Variants in ALDH8A1 observed in about 807,000 individuals in gnomAD.
ALDH8A1 encodes aldehyde dehydrogenase 8 family member A1.
A neutral mutation model predicts 43.3 loss-of-function variants in ALDH8A1; 39 were observed. The observed-to-expected ratio is 0.90, with a 90% CI of 0.70 to 1.18. The LOEUF is 1.18. ALDH8A1 is among the 50% of genes most tolerant of loss of function. The pLI is 0.00. For missense variants in ALDH8A1, 605 were observed against 622.6 expected, an observed-to-expected ratio of 0.97 and a Z score of 0.30; for synonymous variants, 233 against 243.5, an observed-to-expected ratio of 0.96 and a Z score of 0.40.
intron 1 of ALDH8A1, among the ~76,000 whole-genome samples, chr6:134,947,535 T>C (rs1334613168): frequency 6.6e-6 from 1 of 151,930 alleles, no homozygotes; most frequent in Non-Finnish European, 1.5e-5. Flanking sequence ...TATATACATA[T>C]ACAACTCAAT....
intron 6 of ALDH8A1, among the ~76,000 whole-genome samples, chr6:134,919,964 A>G (rs956162503): frequency 5.3e-5 from 8 of 152,248 alleles, no homozygotes; most frequent in Non-Finnish European, 1.0e-4. Flanking sequence ...GCTGCAATGC[A>G]GTGGCACCAC....
Position 134,939,367 on chromosome 6 carries a change from T to G in ALDH8A1, c.491A>C (p.Lys164Thr), listed in dbSNP as rs746264434. The G allele has an allele frequency of 1.2e-6, 2 of 1,614,164 alleles. No individual in the cohort carries two copies. The highest frequency in any genetic ancestry group is 1.7e-6 in the Non-Finnish European group (2 of 1,180,042). Residue 164 changes from lysine to threonine, a missense_variant, in exon 4 of 7, where the codon AAG (lysine) becomes ACG (threonine). Physicochemically the swap from Lys to Thr is moderately conservative, Grantham distance 78 (BLOSUM62 -1). Transcript: ENST00000265605. ...CCCTGCAGCCATCGCTGGAGCTATC[T>G]TCCAGGTCAGCAAGTAGAGTGGCAA... Reference protein sequence around the residue: ...WNLPLYLLTWKIAPAMAAGNT... With the variant: ...WNLPLYLLTWTIAPAMAAGNT...
chr6:134,918,145 A>G lies in ALDH8A1; in HGVS notation c.*270T>C, dbSNP rs1776735854. On this transcript the variant is annotated 3_prime_UTR_variant, in exon 7 of 7. Coordinates refer to ENST00000265605, the MANE Select transcript of ALDH8A1 (RefSeq NM_022568.4). ...GTTCAATGAAGATGATGAAAGAAAC[A>G]CTATGAAAACATAACCTGGGAGGAG... 1 of 451,158 alleles carries G rather than the reference A, an allele frequency of 2.2e-6. No individual in the cohort carries two copies. The highest frequency in any genetic ancestry group is 2.0e-5 in the African/African-American group (1 of 51,042). 27.9% of individuals were successfully genotyped at this position (451,158 alleles called of 1,614,324 possible).
At chr6:134,941,167 C>G (rs116611070) in intron 3 of ALDH8A1, among the ~76,000 whole-genome samples, 1,751 of 152,166 alleles carry the variant, frequency 0.012, 38 homozygotes, top group African/African-American at 0.039. Flanking sequence ...TACTACATGC[C>G]CTACACTTAT....
At chr6:134,939,120 G>A (rs908642558) in intron 4 of ALDH8A1, 146 bp downstream of exon 4, 1 of 1,266,460 alleles carries the variant, frequency 7.9e-7, no homozygotes, top group East Asian at 2.4e-5. Context: ...GGAACCCTGT[G>A]GGTGGAGGGG....
intron 1 of ALDH8A1, among the ~76,000 whole-genome samples, chr6:134,948,462 T>G (rs1400319209): frequency 2.0e-5 from 3 of 152,222 alleles, no homozygotes; most frequent in Non-Finnish European, 4.4e-5. Context: ...ACACATTGTA[T>G]GCATGTATCA....
intron 4 of ALDH8A1, among the ~76,000 whole-genome samples, chr6:134,935,584 A>G (rs1394752117): frequency 6.6e-6 from 1 of 152,162 alleles, no homozygotes; most frequent in Admixed American, 6.5e-5. Flanking sequence ...GAGGTAGCAG[A>G]GTTTATTCCC....
chr6:134,926,202 CTTTTTTTT>C (rs749949919), intron 6 of ALDH8A1, among the ~76,000 whole-genome samples: 1 of 93,736 alleles, frequency 1.1e-5, no homozygotes, highest in African/African-American at 4.2e-5. Flanking sequence ...CAGGACCCTT[CTTTTTTTT>C]TTTTTTTTTT....
At chr6:134,920,852 A>T (rs375487381) in intron 6 of ALDH8A1, among the ~76,000 whole-genome samples, 6 of 152,282 alleles carry the variant, frequency 3.9e-5, no homozygotes, top group East Asian at 3.9e-4. Flanking sequence ...CTTTAGACAT[A>T]AAGTCAGAGT....
intron 4 of ALDH8A1, 101 bp from the exon 5 acceptor site, chr6:134,933,133 G>T: frequency 7.5e-7 from 1 of 1,329,460 alleles, no homozygotes; most frequent in Non-Finnish European, 9.9e-7. Flanking sequence ...GAATGGGAGT[G>T]GGTAGGGATG....
intron 5 of ALDH8A1, among the ~76,000 whole-genome samples, chr6:134,931,163 C>T (rs976167039): frequency 5.3e-5 from 8 of 152,138 alleles, no homozygotes; most frequent in Admixed American, 4.6e-4. Flanking sequence ...TTAAAACAAC[C>T]CCAAAAGGAA....
At chr6:134,936,936 C>A (rs997515279) in intron 4 of ALDH8A1, among the ~76,000 whole-genome samples, 1 of 152,052 alleles carries the variant, frequency 6.6e-6, no homozygotes, top group Non-Finnish European at 1.5e-5. Context: ...TAGGAACAGA[C>A]GAGAACAGAC....
In ALDH8A1 at chr6:134,918,678, G is replaced by T. The variant is rs61731731; in HGVS notation, c.1201C>A (p.Pro401Thr). The change falls in exon 7 of 7, where the codon CCC becomes ACC. Residue 401 changes from proline to threonine, a missense_variant. Pro to Thr is a conservative substitution (Grantham distance 38). Coordinates refer to ENST00000265605, the MANE Select transcript of ALDH8A1 (RefSeq NM_022568.4). Reference protein sequence around the residue: ...EIFGPVTCVVPFDSEEEVIER... With the variant: ...EIFGPVTCVVTFDSEEEVIER... ...ATCACCTCCTCTTCACTATCAAAGG[G>T]GACGACACACGTCACTGGACCAAAT... is the stretch of plus-strand genomic sequence containing the variant. 8,578 of 1,614,122 alleles carry T rather than the reference G, an allele frequency of 5.3e-3. 29 individuals carry two copies. Among genetic ancestry groups the T allele is most frequent in the Non-Finnish European group, 6.6e-3 (7,773 of 1,180,014 alleles).
At position 134,929,604 on chromosome 6, in the gene ALDH8A1, TG is replaced by T. The variant is rs1281277832; in HGVS notation, c.850-390del. ...CATGAGACGGGAAAAGATCTGGAGG[TG>T]GGGAATTAATTCTTCAAAGTACAGA... On this transcript the variant is annotated intron_variant, in intron 5 of 6. Coordinates refer to ENST00000265605, the MANE Select transcript of ALDH8A1 (RefSeq NM_022568.4). 5.9e-5 allele frequency among the ~76,000 whole-genome samples: 9 copies of T among 151,662 alleles called. No homozygotes were observed. The East Asian group carries it at 1.7e-3, about 29-fold the overall frequency.
At chr6:134,922,099 G>C (rs1362812972) in intron 6 of ALDH8A1, among the ~76,000 whole-genome samples, 2 of 152,198 alleles carry the variant, frequency 1.3e-5, no homozygotes, top group Non-Finnish European at 2.9e-5. Context: ...GATGCTCAGT[G>C]ATCCTCTAAG....
chr6:134,918,424 A>T lies in ALDH8A1; in HGVS notation c.1455T>A (p.Val485=). 6.2e-7 allele frequency: 1 copy of T among 1,614,082 alleles called. No individual in the cohort carries two copies. Among genetic ancestry groups the T allele is most frequent in the Non-Finnish European group, 8.5e-7 (1 of 1,179,942 alleles). The change falls in exon 7 of 7, where the codon GTT becomes GTA. Residue 485 remains valine (V), a synonymous_variant. Coordinates refer to ENST00000265605, the MANE Select transcript of ALDH8A1 (RefSeq NM_022568.4). ...CCACCATTAGCAAAGATCAGTGTTTAACGGTGATGGTTTTGATCTCAGTGA... is the reference window on the plus strand; with the variant it reads ...CCACCATTAGCAAAGATCAGTGTTTTACGGTGATGGTTTTGATCTCAGTGA... The part of the protein sequence containing the change: ...DFFTEIKTIT[V]KH
chr6:134,945,601 C>A (rs1243324174), intron 1 of ALDH8A1, among the ~76,000 whole-genome samples: 1 of 152,134 alleles, frequency 6.6e-6, no homozygotes, highest in Non-Finnish European at 1.5e-5. Context: ...ATGTCTCACT[C>A]CTCTCCTTTC....
At chr6:134,934,673 C>G (rs1773698456) in intron 4 of ALDH8A1, among the ~76,000 whole-genome samples, 1 of 152,184 alleles carries the variant, frequency 6.6e-6, no homozygotes, top group African/African-American at 2.4e-5. Context: ...TATAACACTA[C>G]TCAGGAGGCT....
Position 134,932,865 on chromosome 6 carries a change from G to C in ALDH8A1, c.760C>G (p.Leu254Val), listed in dbSNP as rs1777009283. The change falls in exon 5 of 7, where the codon CTG becomes GTG. Residue 254 changes from leucine to valine, a missense_variant. Physicochemically the swap from Leu to Val is conservative, Grantham distance 32. Coordinates refer to ENST00000265605, the MANE Select transcript of ALDH8A1 (RefSeq NM_022568.4). Reference sequence around the variant, plus strand: ...ATGATGGCAGGATTCTTGCCCCCCAGCTCCAGGGAGAGCTTTTTGCAGTGG... The same window carrying C: ...ATGATGGCAGGATTCTTGCCCCCCACCTCCAGGGAGAGCTTTTTGCAGTGG... ...APHCKKLSLE[L>V]GGKNPAIIFE... The C allele has an allele frequency of 1.2e-6, 2 of 1,614,088 alleles. No individual in the cohort carries two copies. The highest frequency in any genetic ancestry group is 8.5e-7 in the Non-Finnish European group (1 of 1,180,040).
Sources: gnomAD v4.1 joint callset for allele counts (sites outside exome capture counted in the v4.1 genomes callset) on GRCh38, gnomAD v4.1.1 for gene constraint, MANE v1.5 for transcripts, NCBI Gene and HGNC (gene_info 2026-07-23, HGNC 2026-07-21) for gene names.